Variants in CDC42BPA observed in about 807,000 individuals in gnomAD.
CDC42BPA encodes the protein serine/threonine-protein kinase MRCK alpha.
CDC42BPA carries 80 observed loss-of-function variants against 223.5 expected under a neutral mutation model. That is an observed-to-expected ratio of 0.36 (90% CI 0.30 to 0.43). CDC42BPA has a LOEUF of 0.43. Among genes scored for constraint, CDC42BPA ranks in the 20% least tolerant of loss-of-function variants. The pLI, the probability that CDC42BPA is intolerant of heterozygous loss-of-function variation, is 1.00. For synonymous variants in CDC42BPA, 694 were observed against 718.6 expected (o/e 0.97, Z 0.55); for missense variants, 1,743 against 2,099.9 (o/e 0.83, Z 3.32).
At chr1:227,294,907 A>G (rs567247986) in intron 1 of CDC42BPA, among the ~76,000 whole-genome samples, 7 of 149,018 alleles carry the variant, frequency 4.7e-5, no homozygotes, top group Non-Finnish European at 1.0e-4. Context: ...AACTTGCACT[A>G]GATCACTTTA....
chr1:227,241,006 A>G (rs1265745070), intron 2 of CDC42BPA, among the ~76,000 whole-genome samples: 2 of 152,094 alleles, frequency 1.3e-5, no homozygotes, highest in African/African-American at 4.8e-5. Flanking sequence ...CAGCTCAACA[A>G]TAAAAATACA....
chr1:227,040,539 T>C (rs1470479263), intron 23 of CDC42BPA, among the ~76,000 whole-genome samples: 1 of 152,214 alleles, frequency 6.6e-6, no homozygotes, highest in African/African-American at 2.4e-5. Flanking sequence ...TTCAGAATTT[T>C]AATAAATTAT....
intron 23 of CDC42BPA, among the ~76,000 whole-genome samples, chr1:227,043,024 A>G (rs1671704980): frequency 6.6e-6 from 1 of 152,228 alleles, no homozygotes; most frequent in African/African-American, 2.4e-5. Context: ...AATTTACTGT[A>G]GATAATTAAA....
At chr1:227,103,471 T>A (rs1215596559) in intron 14 of CDC42BPA, among the ~76,000 whole-genome samples, 1 of 152,122 alleles carries the variant, frequency 6.6e-6, no homozygotes, top group Admixed American at 6.5e-5. Context: ...TTTCATGTTA[T>A]CTTCCACATA....
intron 5 of CDC42BPA, among the ~76,000 whole-genome samples, chr1:227,188,880 ATG>A: frequency 6.6e-6 from 1 of 152,128 alleles, no homozygotes; most frequent in Admixed American, 6.5e-5. Flanking sequence ...AGGGTCATTG[ATG>A]TTAACAAATG....
In CDC42BPA at chr1:227,145,720, T is replaced by C; in HGVS notation, c.912A>G (p.Pro304=). Residue 304 remains proline, a synonymous_variant, in exon 8 of 37, where the codon CCA becomes CCG. Coordinates refer to ENST00000366766, the MANE Select transcript of CDC42BPA (RefSeq NM_001394014.1). The part of the protein sequence containing the change: ...IMNHKERFQF[P]AQVTDVSENA... ...TTTCAGACACATCAGTCACTTGGGCTGGAAACTGAAACCTCTCCTAAACAG... is the reference window on the plus strand; with the variant it reads ...TTTCAGACACATCAGTCACTTGGGCCGGAAACTGAAACCTCTCCTAAACAG... The C allele has an allele frequency of 6.2e-7, 1 of 1,613,358 alleles. No homozygotes were observed. The highest frequency in any genetic ancestry group is 8.5e-7 in the Non-Finnish European group (1 of 1,179,506).
intron 4 of CDC42BPA, among the ~76,000 whole-genome samples, chr1:227,198,458 G>GAAAAAAGA (rs11415356): frequency 1.1e-5 from 1 of 93,846 alleles, no homozygotes; most frequent in African/African-American, 3.9e-5. Context: ...AAAAAGAAAA[G>GAAAAAAGA]AAAGAAAGAA....
At chr1:227,265,625 C>T (rs892331519) in intron 1 of CDC42BPA, among the ~76,000 whole-genome samples, 1 of 148,054 alleles carries the variant, frequency 6.8e-6, no homozygotes, top group East Asian at 2.0e-4. Context: ...AGCGAGACTC[C>T]GTCTTAAAAA....
intron 1 of CDC42BPA, among the ~76,000 whole-genome samples, chr1:227,280,529 T>C (rs1385085080): frequency 6.6e-6 from 1 of 152,192 alleles, no homozygotes; most frequent in Non-Finnish European, 1.5e-5. Flanking sequence ...AGAAGACTAA[T>C]TAGGAAAGCT....
intron 21 of CDC42BPA, among the ~76,000 whole-genome samples, chr1:227,065,332 C>CT (rs1252886984): frequency 2.6e-5 from 4 of 152,146 alleles, no homozygotes; most frequent in African/African-American, 9.7e-5. Flanking sequence ...CTTCAAAACT[C>CT]TATGATTCTA....
At chr1:227,037,650 T>C (rs1240473360) in intron 24 of CDC42BPA, among the ~76,000 whole-genome samples, 2 of 152,184 alleles carry the variant, frequency 1.3e-5, no homozygotes, top group Non-Finnish European at 2.9e-5. Context: ...TTAAGGTCCC[T>C]TCCCATTCTA....
intron 20 of CDC42BPA, among the ~76,000 whole-genome samples, chr1:227,070,892 T>C (rs1678175960): frequency 1.3e-5 from 2 of 151,870 alleles, no homozygotes; most frequent in Admixed American, 1.3e-4. Flanking sequence ...GCAATCAATG[T>C]CATCTGGCGT....
At chr1:227,130,311 T>TC (rs1313764298) in intron 10 of CDC42BPA, among the ~76,000 whole-genome samples, 2 of 152,114 alleles carry the variant, frequency 1.3e-5, no homozygotes, top group African/African-American at 4.8e-5. Flanking sequence ...TAAACCATAA[T>TC]CCCTATATGT....
At chr1:227,276,221 C>G (rs1341078647) in intron 1 of CDC42BPA, among the ~76,000 whole-genome samples, 1 of 151,850 alleles carries the variant, frequency 6.6e-6, no homozygotes, top group Non-Finnish European at 1.5e-5. Context: ...GCCGCCCCGT[C>G]TGGGATGTGA....
At chr1:227,093,754 C>T (rs189004034) in intron 15 of CDC42BPA, among the ~76,000 whole-genome samples, 1 of 152,278 alleles carries the variant, frequency 6.6e-6, no homozygotes, top group East Asian at 1.9e-4. Context: ...GTTTCCTGGG[C>T]TGCAGTCCTC....
intron 22 of CDC42BPA, among the ~76,000 whole-genome samples, 158 bp from the exon 23 acceptor site, chr1:227,048,168 C>T (rs947765928): frequency 2.6e-5 from 4 of 152,028 alleles, no homozygotes; most frequent in South Asian, 2.1e-4. Context: ...CTAAAATTCT[C>T]ATAGTGTTGA....
Position 227,145,479 on chromosome 1 carries a change from T to A in CDC42BPA, c.1143+10A>T, listed in dbSNP as rs746484933. ...AGAGGGACAGAACTTCTTCACAGTG[T>A]CATACTTACAGAATTTTTTAAACAA... On this transcript the variant is annotated intron_variant, in intron 8 of 36. Transcript: ENST00000366766. The A allele has an allele frequency of 1.2e-6, 2 of 1,610,700 alleles. No individual in the cohort carries two copies. The highest frequency in any genetic ancestry group is 1.7e-6 in the Non-Finnish European group (2 of 1,177,950).
Position 227,026,065 on chromosome 1 carries a change from G to A in CDC42BPA, c.4520C>T (p.Pro1507Leu), listed in dbSNP as rs1308173441. 1.5e-5 allele frequency: 23 copies of A among 1,576,534 alleles called. No individual in the cohort carries two copies. The highest frequency in any genetic ancestry group is 1.7e-5 in the Non-Finnish European group (20 of 1,150,316). The change falls in exon 31 of 37, where the codon CCT becomes CTT. Residue 1507 changes from proline (P) to leucine (L), a missense_variant. By Grantham distance (98) the Pro-to-Leu change is moderately conservative. This residue lies in a region of CDC42BPA where 678 missense variants were observed against 777.5 expected (regional missense o/e 0.87). Coordinates refer to ENST00000366766, the MANE Select transcript of CDC42BPA (RefSeq NM_001394014.1). ...TTAATGTTAAATTACCTTTTTGAGA[G>A]GAAGAGTCTGAATCCATTCCATGGA... Reference protein sequence around the residue: ...VNSMEWIQTLPLKKVRPLNNE... With the variant: ...VNSMEWIQTLLLKKVRPLNNE...
At chr1:227,011,369 C>G (rs1299276037) in intron 34 of CDC42BPA, among the ~76,000 whole-genome samples, 4 of 152,066 alleles carry the variant, frequency 2.6e-5, no homozygotes, top group African/African-American at 9.7e-5. Context: ...TATGTAATAA[C>G]ACAATCAAAA....
Sources: gnomAD v4.1 joint callset for allele counts (sites outside exome capture counted in the v4.1 genomes callset) on GRCh38, gnomAD v4.1.1 for gene constraint, gnomAD v4.1.1 regional missense constraint, MANE v1.5 for transcripts, NCBI Gene and HGNC (gene_info 2026-07-23, HGNC 2026-07-21) for gene names.